The following SYNDIG1 variants were observed in gnomAD, a reference collection of about 807,000 sequenced individuals.
The protein encoded by SYNDIG1 is synapse differentiation inducing 1.
Under a neutral mutation model 19.4 loss-of-function variants are expected in SYNDIG1, and 9 were observed. That is an observed-to-expected ratio of 0.46 (90% CI 0.28 to 0.81). The LOEUF is 0.81. SYNDIG1 is among the 30% of genes least tolerant of loss of function. The pLI, the probability that SYNDIG1 is intolerant of heterozygous loss-of-function variation, is 0.12. For synonymous variants in SYNDIG1, 141 were observed against 145.9 expected, an observed-to-expected ratio of 0.97 and a Z score of 0.24; for missense variants, 311 against 343.3, an observed-to-expected ratio of 0.91 and a Z score of 0.74.
intron 1 of SYNDIG1, among the ~76,000 whole-genome samples, chr20:24,516,444 G>A (rs2056866221): frequency 6.6e-6 from 1 of 152,094 alleles, no homozygotes; most frequent in Admixed American, 6.5e-5. Context: ...CTGACAAAGG[G>A]CTAATATCCA....
chr20:24,564,165 T>C (rs2057998099), intron 2 of SYNDIG1, among the ~76,000 whole-genome samples: 1 of 152,312 alleles, frequency 6.6e-6, no homozygotes, highest in Middle Eastern at 3.4e-3. Context: ...AAAAAAGTGA[T>C]GATAAACATT....
At chr20:24,491,014 G>A (rs778459038) in intron 1 of SYNDIG1, among the ~76,000 whole-genome samples, 6 of 152,214 alleles carry the variant, frequency 3.9e-5, no homozygotes, top group Non-Finnish European at 8.8e-5. Flanking sequence ...GGAGCTCCTC[G>A]TGCGTCTGGT....
At chr20:24,583,976 A>G (rs2058370891) in intron 2 of SYNDIG1, among the ~76,000 whole-genome samples, 1 of 152,146 alleles carries the variant, frequency 6.6e-6, no homozygotes, top group Admixed American at 6.5e-5. Flanking sequence ...CCAAACCCCC[A>G]TGGCATGAGT....
At chr20:24,608,518 G>C (rs2058797541) in intron 3 of SYNDIG1, among the ~76,000 whole-genome samples, 1 of 152,132 alleles carries the variant, frequency 6.6e-6, no homozygotes, top group Non-Finnish European at 1.5e-5. Context: ...CCCGCCAACT[G>C]ACCTGCTTCA....
intron 1 of SYNDIG1, among the ~76,000 whole-genome samples, chr20:24,529,799 G>T (rs977416478): frequency 1.6e-5 from 1 of 62,862 alleles, no homozygotes; most frequent in Non-Finnish European, 3.2e-5. Flanking sequence ...CGGTGATAGT[G>T]GTACTCCTGC....
intron 2 of SYNDIG1, among the ~76,000 whole-genome samples, chr20:24,568,857 G>A (rs1030567826): frequency 7.2e-5 from 11 of 152,188 alleles, no homozygotes; most frequent in Non-Finnish European, 1.2e-4. Context: ...CACCTGAACC[G>A]AAGGTGGTCC....
intron 2 of SYNDIG1, among the ~76,000 whole-genome samples, chr20:24,565,729 C>G (rs2058032388): frequency 6.6e-6 from 1 of 152,136 alleles, no homozygotes; most frequent in Non-Finnish European, 1.5e-5. Flanking sequence ...GGGGGATCTC[C>G]CAGCAGCCCC....
At chr20:24,494,895 C>G (rs981345936) in intron 1 of SYNDIG1, among the ~76,000 whole-genome samples, 2 of 152,174 alleles carry the variant, frequency 1.3e-5, no homozygotes, top group Non-Finnish European at 2.9e-5. Context: ...CCTCCTCAGC[C>G]CTCTGAGTTT....
intron 3 of SYNDIG1, among the ~76,000 whole-genome samples, chr20:24,629,963 T>C (rs898583269): frequency 9.2e-5 from 14 of 152,118 alleles, no homozygotes; most frequent in Non-Finnish European, 2.9e-5. Flanking sequence ...ATTCTATACT[T>C]TGAGGTCATG....
intron 1 of SYNDIG1, among the ~76,000 whole-genome samples, chr20:24,526,784 T>C (rs1406040636): frequency 6.6e-6 from 1 of 152,206 alleles, no homozygotes; most frequent in Non-Finnish European, 1.5e-5. Flanking sequence ...GATTTTTCAC[T>C]TGGCTCTTGA....
intron 1 of SYNDIG1, among the ~76,000 whole-genome samples, chr20:24,518,030 T>G (rs2056923834): frequency 6.6e-6 from 1 of 151,704 alleles, no homozygotes; most frequent in Admixed American, 6.6e-5. Flanking sequence ...TGGGTCTTGA[T>G]CTCTTGATCT....
intron 3 of SYNDIG1, among the ~76,000 whole-genome samples, chr20:24,645,295 A>G (rs972685431): frequency 5.4e-4 from 83 of 152,300 alleles, no homozygotes; most frequent in African/African-American, 1.9e-3. Context: ...AATTATTTCA[A>G]TGGGAAGCAT....
At chr20:24,564,808 G>A (rs897938019) in intron 2 of SYNDIG1, among the ~76,000 whole-genome samples, 1 of 152,176 alleles carries the variant, frequency 6.6e-6, no homozygotes, top group Non-Finnish European at 1.5e-5. Context: ...TGAAGAATGT[G>A]TTCTCATTCA....
chr20:24,594,130 T>C (rs1381089590), intron 3 of SYNDIG1, among the ~76,000 whole-genome samples: 1 of 152,088 alleles, frequency 6.6e-6, no homozygotes, highest in Non-Finnish European at 1.5e-5. Context: ...GGATGGTATT[T>C]CCTAGGTTAT....
chr20:24,621,522 GT>G (rs1051166471), intron 3 of SYNDIG1, among the ~76,000 whole-genome samples: 1 of 152,176 alleles, frequency 6.6e-6, no homozygotes, highest in African/African-American at 2.4e-5. Context: ...CCAAACCCAT[GT>G]GCTGATGTGT....
At chr20:24,652,452 G>A (rs371442264) in intron 3 of SYNDIG1, among the ~76,000 whole-genome samples, 3 of 152,204 alleles carry the variant, frequency 2.0e-5, no homozygotes, top group East Asian at 1.9e-4. Context: ...AGGGCCATCA[G>A]AAGAGGCTTC....
intron 2 of SYNDIG1, among the ~76,000 whole-genome samples, chr20:24,564,778 T>A (rs1476671869): frequency 9.1e-6 from 1 of 109,986 alleles, no homozygotes; most frequent in Non-Finnish European, 2.0e-5. Flanking sequence ...TGAATGATTC[T>A]TGCCTGGGCT....
chr20:24,512,108 AATATATATATAT>A (rs56002733), intron 1 of SYNDIG1, among the ~76,000 whole-genome samples: 35,924 of 76,520 alleles, frequency 0.47, 8,294 homozygotes, highest in East Asian at 0.62. Flanking sequence ...TGGTCTTTAA[AATATATATATAT>A]ATATATATAT....
At chr20:24,577,825 T>C (rs2058254759) in intron 2 of SYNDIG1, among the ~76,000 whole-genome samples, 1 of 152,192 alleles carries the variant, frequency 6.6e-6, no homozygotes, top group Non-Finnish European at 1.5e-5. Flanking sequence ...ATGGTGAAGA[T>C]GTATGCCCTG....
Sources: allele counts gnomAD v4.1 joint callset (sites outside exome capture counted in the v4.1 genomes callset), GRCh38; gene constraint gnomAD v4.1.1; transcripts MANE v1.5; gene names NCBI Gene and HGNC (gene_info 2026-07-23, HGNC 2026-07-21).